The following ABCC5 variants were observed in gnomAD, a reference collection of about 807,000 sequenced individuals.
ABCC5 encodes ATP-binding cassette sub-family C member 5.
ABCC5 carries 61 observed loss-of-function variants against 160.9 expected under a neutral mutation model. That is an observed-to-expected ratio of 0.38 (90% CI 0.31 to 0.47). The LOEUF (loss-of-function observed/expected upper bound fraction) is 0.47. ABCC5 is among the 20% of genes least tolerant of loss of function. ABCC5 has a pLI of 0.99. For synonymous variants in ABCC5, 666 were observed against 700.6 expected (o/e 0.95, Z 0.78); for missense variants, 1,308 against 1,813.3 (o/e 0.72, Z 5.06).
rs753141335 is a variant in ABCC5 at position 183,965,488 on chromosome 3, T to C, written c.1847A>G (p.Glu616Gly). The C allele has an allele frequency of 6.2e-6, 10 of 1,613,716 alleles. No homozygotes were observed. The highest frequency in any genetic ancestry group is 7.6e-6 in the Non-Finnish European group (9 of 1,180,016). ...SAILGQMTLL[E>G]GSIAISGTFA... ...GGTTCCACTGATTGCAATGCTGCCC[T>C]CTAGAAGCGTCATCTAGGGAGAGAG... Residue 616 changes from glutamate (E) to glycine (G), a missense_variant, in exon 13 of 30, where the codon GAG (glutamate) becomes GGG (glycine). Around this residue, in one of 3 missense-constraint regions of ABCC5, gnomAD observed 1,142 missense variants for 1,527.1 expected, o/e 0.75. Coordinates refer to ENST00000334444, the MANE Select transcript of ABCC5 (RefSeq NM_005688.4).
At position 184,015,863 on chromosome 3, in the gene ABCC5, CCTT is replaced by C. The variant is rs533388424; in HGVS notation, c.-55-1419_-55-1417del. On this transcript the variant is annotated intron_variant, in intron 1 of 29. Transcript: ENST00000334444. Reference sequence around the variant, plus strand: ...GAGCTGTAGCTGTAGATCAGAGTAACCTTCTTACGGGAATCACGAAATTCTAAC... The same window carrying C: ...GAGCTGTAGCTGTAGATCAGAGTAACCTTACGGGAATCACGAAATTCTAAC... Among the ~76,000 whole-genome samples, 1,014 of 152,310 alleles carry C rather than the reference CCTT, an allele frequency of 6.7e-3. 8 individuals carry two copies. The highest frequency in any genetic ancestry group is 0.02 in the Middle Eastern group (6 of 294).
Position 183,949,721 on chromosome 3 carries a change from C to T in ABCC5, c.3227+32G>A, listed in dbSNP as rs1204234168. The T allele has an allele frequency of 6.2e-7, 1 of 1,610,460 alleles. No individual in the cohort carries two copies. The highest frequency in any genetic ancestry group is 2.2e-5 in the East Asian group (1 of 44,834). ...ATCAAACGCTGGGATGCTGACTCCCCTTTGAGGCCTCTAGCCCCCATCAGG... is the reference window on the plus strand; with the variant it reads ...ATCAAACGCTGGGATGCTGACTCCCTTTTGAGGCCTCTAGCCCCCATCAGG... On this transcript the variant is annotated intron_variant, in intron 22 of 29. Coordinates refer to ENST00000334444, the MANE Select transcript of ABCC5 (RefSeq NM_005688.4). The surrounding 1 kb of genome is among the most constrained non-coding windows in gnomAD (Gnocchi z 4.2).
intron 2 of ABCC5, among the ~76,000 whole-genome samples, chr3:184,004,946 T>C (rs151096807): frequency 1.3e-5 from 2 of 152,306 alleles, no homozygotes; most frequent in African/African-American, 4.8e-5. Context: ...TTTAGCGAGA[T>C]TTGCTTTTGA....
At chr3:184,006,284 G>A (rs2292997) in intron 2 of ABCC5, 18,128 of 140,368 alleles carry the variant, frequency 0.13, 1,336 homozygotes, top group East Asian at 0.36. Context: ...CTTTATGGAT[G>A]CCTACAGGGA....
At position 183,997,895 on chromosome 3, in the gene ABCC5, C is replaced by A. The variant is rs1410054258; in HGVS notation, c.130-8512G>T. ...CCTCCCTGGCTCAAGCAATCTCCCA[C>A]CTCAGCCTCCAGAGTAGCTGGGACT... On this transcript the variant is annotated intron_variant, in intron 2 of 29. Coordinates refer to ENST00000334444, the MANE Select transcript of ABCC5 (RefSeq NM_005688.4). Among the ~76,000 whole-genome samples, 5 of 152,142 alleles carry A rather than the reference C, an allele frequency of 3.3e-5. No individual in the cohort carries two copies. In the East Asian group the frequency reaches 5.8e-4, roughly 18 times the overall value.
In ABCC5 at chr3:183,982,657, G is replaced by A; in HGVS notation, c.826-33C>T. The A allele has an allele frequency of 6.2e-7, 1 of 1,611,668 alleles. No homozygotes were observed. On this transcript the variant is annotated intron_variant, in intron 6 of 29. Transcript: ENST00000334444. The surrounding 1 kb of genome is among the most constrained non-coding windows in gnomAD (Gnocchi z 5.2). ...ATACAAAGAGTAGTGAGGGGACCCT[G>A]CAAGGACACGGTTCATTTGTCTCAG...
At chr3:183,973,499 T>C (rs1045291873) in intron 10 of ABCC5, among the ~76,000 whole-genome samples, 12 of 152,172 alleles carry the variant, frequency 7.9e-5, no homozygotes, top group Admixed American at 6.6e-4. Flanking sequence ...GGACCCTCCT[T>C]AGTTACTGAG....
chr3:183,981,991 C>G (rs1718787013), intron 7 of ABCC5, 117 bp from the exon 8 acceptor site: 4 of 1,140,378 alleles, frequency 3.5e-6, no homozygotes, highest in Non-Finnish European at 4.9e-6. Context: ...CTAGGATGGG[C>G]CAAATGTTAT....
intron 26 of ABCC5, among the ~76,000 whole-genome samples, chr3:183,937,386 G>C (rs1713840525): frequency 6.6e-6 from 1 of 151,938 alleles, no homozygotes; most frequent in African/African-American, 2.4e-5. Flanking sequence ...CAAACAAACA[G>C]AACAAAAAAA....
intron 5 of ABCC5, chr3:183,984,279 C>A: frequency 4.1e-6 from 4 of 985,740 alleles, no homozygotes; most frequent in Non-Finnish European, 4.8e-6. Context: ...AAAAATCAAT[C>A]TTGACAAAAA....
chr3:183,944,047 C>T (rs1369029041), intron 24 of ABCC5, among the ~76,000 whole-genome samples: 1 of 152,184 alleles, frequency 6.6e-6, no homozygotes, highest in Non-Finnish European at 1.5e-5. Context: ...ATCAGTGAAG[C>T]ACATCTCTAT....
chr3:183,926,701 T>G lies in ABCC5; in HGVS notation c.4047+629A>C, dbSNP rs1287616962. 3.9e-5 allele frequency among the ~76,000 whole-genome samples: 6 copies of G among 152,160 alleles called. No homozygotes were observed. The South Asian group carries it at 1.2e-3, about 32-fold the overall frequency. On this transcript the variant is annotated intron_variant, in intron 28 of 29. Coordinates refer to ENST00000334444, the MANE Select transcript of ABCC5 (RefSeq NM_005688.4). ...TGGACAAAAGGACATTCTTTTCCTG[T>G]TTATAAAATGAAGGGGCTGGATTGG...
chr3:183,937,319 G>C (rs1002652869), intron 26 of ABCC5, among the ~76,000 whole-genome samples: 1 of 152,218 alleles, frequency 6.6e-6, no homozygotes, highest in African/African-American at 2.4e-5. Flanking sequence ...GGAGGTTGCC[G>C]TGAGTCAAGA....
chr3:183,955,976 G>A (rs554919411), intron 17 of ABCC5, among the ~76,000 whole-genome samples: 2 of 135,718 alleles, frequency 1.5e-5, no homozygotes, highest in African/African-American at 2.7e-5. Context: ...ATATCACATC[G>A]GTTACATGCA....
In ABCC5 at chr3:183,955,670, C is replaced by CCG. The variant is rs200923350; in HGVS notation, c.2483-2401_2483-2400insCG. On this transcript the variant is annotated intron_variant, in intron 17 of 29. Transcript: ENST00000334444. ...TATATCACATCGGTTACATGCAGAT[C>CCG]TGTGTATATATCACATCGGTTACAT... is the stretch of plus-strand genomic sequence containing the variant. Among the ~76,000 whole-genome samples the CCG allele has an allele frequency of 7.3e-3, 1,067 of 145,660 alleles. 242 individuals are homozygous for CCG. The highest frequency in any genetic ancestry group is 0.019 in the East Asian group (89 of 4,716).
chr3:184,001,046 A>G, intron 2 of ABCC5: 1 of 394,614 alleles, frequency 2.5e-6, no homozygotes. Flanking sequence ...TCAGGCCAGG[A>G]GTTTGAGACT....
chr3:184,017,771 G>A lies in ABCC5; in HGVS notation c.-56+59C>T, dbSNP rs538246294. On this transcript the variant is annotated intron_variant, in intron 1 of 29. Coordinates refer to ENST00000334444, the MANE Select transcript of ABCC5 (RefSeq NM_005688.4). The surrounding 1 kb of genome is among the most constrained non-coding windows in gnomAD (Gnocchi z 4.5). ...CGCCACGCCCCGAGGAAATGCAAAG[G>A]GGTGATCCCCGTGACAACCGAGCTG... 6.0e-4 allele frequency: 92 copies of A among 152,588 alleles called. No individual in the cohort carries two copies. Among genetic ancestry groups the A allele is most frequent in the African/African-American group, 2.1e-3 (88 of 41,592 alleles). 9.5% of individuals were successfully genotyped at this position (152,588 alleles called of 1,614,324 possible).
chr3:183,962,139 G>A (rs780338725), intron 15 of ABCC5, among the ~76,000 whole-genome samples: 8 of 152,136 alleles, frequency 5.3e-5, no homozygotes, highest in Non-Finnish European at 8.8e-5. Flanking sequence ...TAAACCCAAC[G>A]TAAATTGAAA....
intron 25 of ABCC5, 77 bp downstream of exon 25, chr3:183,942,650 G>A (rs1016896625): frequency 5.8e-6 from 9 of 1,538,696 alleles, no homozygotes; most frequent in African/African-American, 2.7e-5. Flanking sequence ...ACAAGGATCC[G>A]GTTTAAAGGG....
Sources: gnomAD v4.1 joint callset for allele counts (sites outside exome capture counted in the v4.1 genomes callset) on GRCh38, gnomAD v4.1.1 for gene constraint, gnomAD v4.1.1 regional missense constraint, Gnocchi (gnomAD v3.1) non-coding constraint, MANE v1.5 for transcripts, NCBI Gene and HGNC (gene_info 2026-07-23, HGNC 2026-07-21) for gene names.